The following MGRN1 variants were observed in gnomAD, a reference collection of about 807,000 sequenced individuals.
MGRN1 encodes the protein E3 ubiquitin-protein ligase MGRN1.
In MGRN1, 29 loss-of-function variants were observed where a neutral mutation model predicts 69.2. The ratio of observed to expected loss-of-function variants is 0.42; its 90% CI spans 0.31 to 0.57. MGRN1 has a LOEUF of 0.57. Ranked by LOEUF, MGRN1 falls within the 20% of genes least tolerant of loss-of-function variation. The pLI is 0.15. For synonymous variants in MGRN1, 470 were observed against 344.2 expected (o/e 1.37, Z -4.04); for missense variants, 998 against 796.2 (o/e 1.25, Z -3.05).
chr16:4,665,268 G>C, intron 7 of MGRN1, 117 bp downstream of exon 7: 1 of 1,092,710 alleles, frequency 9.2e-7, no homozygotes, highest in South Asian at 1.4e-5. Flanking sequence ...GAGTGTCAAG[G>C]GCCCCGGGGC....
chr16:4,661,373 G>GGA (rs1567206493), intron 5 of MGRN1, among the ~76,000 whole-genome samples: 1 of 152,192 alleles, frequency 6.6e-6, no homozygotes, highest in Non-Finnish European at 1.5e-5. Context: ...CTTTTCTCCT[G>GGA]CACCCTCCAG....
Position 4,681,663 on chromosome 16 carries a change from C to T in MGRN1, c.1245C>T (p.Thr415=). Residue 415 remains threonine (T), a synonymous_variant, in exon 13 of 17, where the codon ACC becomes ACT. Coordinates refer to ENST00000262370, the MANE Select transcript of MGRN1 (RefSeq NM_015246.4). ...IPSAPLYEEI[T]YSGISDGLSQ... is the part of the protein sequence containing the mutation. Reference sequence around the variant, plus strand: ...CGGCCCCTCTTTATGAAGAAATCACCTATTCAGGCATCTCGGACGGCCTGT... The same window carrying T: ...CGGCCCCTCTTTATGAAGAAATCACTTATTCAGGCATCTCGGACGGCCTGT... The T allele has an allele frequency of 1.9e-6, 3 of 1,613,520 alleles. No homozygotes were observed. The highest frequency in any genetic ancestry group is 2.5e-6 in the Non-Finnish European group (3 of 1,180,018).
At position 4,689,613 on chromosome 16, in the gene MGRN1, C is replaced by T. The variant is rs1357079524; in HGVS notation, c.*705C>T. On this transcript the variant is annotated 3_prime_UTR_variant, in exon 17 of 17. Coordinates refer to ENST00000262370, the MANE Select transcript of MGRN1 (RefSeq NM_015246.4). Reference sequence around the variant, plus strand: ...CAGCCAGCATTCAGTGGCCTTGTCACCAAGCTCCACACCTCCTCCTGGTGC... The same window carrying T: ...CAGCCAGCATTCAGTGGCCTTGTCATCAAGCTCCACACCTCCTCCTGGTGC... The T allele has an allele frequency of 6.6e-6, 1 of 152,300 alleles. No individual in the cohort carries two copies. The highest frequency in any genetic ancestry group is 1.5e-5 in the Non-Finnish European group (1 of 68,070). 9.4% of individuals were successfully genotyped at this position (152,300 alleles called of 1,614,324 possible).
chr16:4,688,751 C>T (rs367801818), intron 16 of MGRN1, 45 bp from the exon 17 acceptor site: 359 of 1,510,810 alleles, frequency 2.4e-4, no homozygotes, highest in Non-Finnish European at 3.1e-4. Context: ...TGGCGTGGCA[C>T]CAGGCATCCG....
chr16:4,652,647 C>G, intron 3 of MGRN1, 31 bp from the exon 4 acceptor site: 2 of 1,589,136 alleles, frequency 1.3e-6, no homozygotes, highest in Non-Finnish European at 1.7e-6. Flanking sequence ...GGCCGCTGAC[C>G]CGCTGCCTTT....
At chr16:4,653,616 G>A (rs1464781985) in intron 4 of MGRN1, among the ~76,000 whole-genome samples, 1 of 152,078 alleles carries the variant, frequency 6.6e-6, no homozygotes, top group Non-Finnish European at 1.5e-5. Flanking sequence ...AGCCTCCTGA[G>A]TAGCTGGGAC....
intron 1 of MGRN1, among the ~76,000 whole-genome samples, chr16:4,635,191 C>A (rs558614689): frequency 6.6e-5 from 10 of 152,230 alleles, no homozygotes; most frequent in Non-Finnish European, 1.3e-4. Flanking sequence ...GCAGGCGGAT[C>A]ACTTGAGGTC....
intron 16 of MGRN1, among the ~76,000 whole-genome samples, chr16:4,685,321 CTG>C (rs942302358): frequency 1.3e-5 from 2 of 152,242 alleles, no homozygotes; most frequent in African/African-American, 4.8e-5. Flanking sequence ...CGCCTCCCCT[CTG>C]TGGCCAGGCC....
intron 11 of MGRN1, among the ~76,000 whole-genome samples, chr16:4,677,835 GC>G (rs75438129): frequency 1.1e-5 from 1 of 88,962 alleles, no homozygotes; most frequent in Non-Finnish European, 2.5e-5. Context: ...GGAGCCAGGT[GC>G]TTTTTTTTTT....
At chr16:4,688,315 C>T (rs2079380081) in intron 16 of MGRN1, 2 of 987,390 alleles carry the variant, frequency 2.0e-6, no homozygotes, top group African/African-American at 1.7e-5. Context: ...TGGGAGGCTC[C>T]TCTCTTTGCC....
rs1034843802 is a variant in MGRN1 at position 4,646,378 on chromosome 16, G to A, written c.89-3987G>A. 7.2e-5 allele frequency among the ~76,000 whole-genome samples: 11 copies of A among 151,884 alleles called. No homozygotes were observed. In the South Asian group the frequency reaches 1.2e-3, roughly 17 times the overall value. On this transcript the variant is annotated intron_variant, in intron 1 of 16. Coordinates refer to ENST00000262370, the MANE Select transcript of MGRN1 (RefSeq NM_015246.4). ...CAGGAGGTCCAAGGCTGCAGTGATC[G>A]TGCCCCTGCACTCCAACCTCGGCGA...
At chr16:4,656,769 A>G (rs578238797) in intron 4 of MGRN1, among the ~76,000 whole-genome samples, 17 of 152,128 alleles carry the variant, frequency 1.1e-4, no homozygotes, top group African/African-American at 4.1e-4. Context: ...AATCCTAGCT[A>G]CTTGGGAAGC....
In MGRN1 at chr16:4,652,806, T is replaced by A; in HGVS notation, c.425T>A (p.Phe142Tyr). The A allele has an allele frequency of 1.9e-6, 3 of 1,609,818 alleles. No homozygotes were observed. Among genetic ancestry groups the A allele is most frequent in the Non-Finnish European group, 2.5e-6 (3 of 1,178,086 alleles). The change falls in exon 4 of 17, where the codon TTC (phenylalanine) becomes TAC (tyrosine). Residue 142 changes from phenylalanine to tyrosine, a missense_variant. By Grantham distance (22) the Phe-to-Tyr change is conservative (BLOSUM62 3). Coordinates refer to ENST00000262370, the MANE Select transcript of MGRN1 (RefSeq NM_015246.4). ...ATCTACTGCCAGGCATCGGAGGAGT[T>A]CCTGAACGGCAGGGCAGTGTGAGTC... ...ITIYCQASEE[F>Y]LNGRAVYSPK... is the part of the protein sequence containing the mutation.
At position 4,641,684 on chromosome 16, in the gene MGRN1, A is replaced by G. The variant is rs754411509; in HGVS notation, c.89-8681A>G. On this transcript the variant is annotated intron_variant, in intron 1 of 16. Transcript: ENST00000262370. The stretch of plus-strand genomic sequence containing the variant: ...CAGGCACCCACCACCATGCCCAGCT[A>G]ATTTTGCATTTTTAGTAGAGACGGG... Among the ~76,000 whole-genome samples the G allele has an allele frequency of 2.6e-5, 4 of 151,738 alleles. No individual in the cohort carries two copies. In the East Asian group the frequency reaches 7.8e-4, roughly 29 times the overall value.
intron 1 of MGRN1, among the ~76,000 whole-genome samples, chr16:4,648,066 C>G (rs1365303080): frequency 1.3e-5 from 2 of 152,136 alleles, no homozygotes; most frequent in African/African-American, 4.8e-5. Flanking sequence ...CCGGGAAGGG[C>G]CCACCTGGCC....
At chr16:4,647,693 G>A (rs752848249) in intron 1 of MGRN1, among the ~76,000 whole-genome samples, 2 of 152,182 alleles carry the variant, frequency 1.3e-5, no homozygotes, top group East Asian at 1.9e-4. Flanking sequence ...GCTCCACATC[G>A]GTATGTCTGG....
At chr16:4,650,311 C>G in intron 1 of MGRN1, 54 bp from the exon 2 acceptor site, 4 of 1,380,448 alleles carry the variant, frequency 2.9e-6, no homozygotes, top group Non-Finnish European at 4.0e-6. Context: ...GCCTGAGACT[C>G]TGTCTCAAAA....
intron 1 of MGRN1, chr16:4,649,994 C>T (rs890046161): frequency 4.1e-5 from 7 of 170,030 alleles, no homozygotes; most frequent in Non-Finnish European, 8.9e-5. Flanking sequence ...AGGCTGTGTT[C>T]AGCCTCAGAG....
intron 1 of MGRN1, among the ~76,000 whole-genome samples, chr16:4,625,750 A>G (rs772799268): frequency 9.2e-5 from 14 of 152,244 alleles, no homozygotes; most frequent in Non-Finnish European, 1.8e-4. Context: ...CTTTGTTCCC[A>G]GCTCTCTTTC....
Sources: gnomAD v4.1 joint callset for allele counts (sites outside exome capture counted in the v4.1 genomes callset) on GRCh38, gnomAD v4.1.1 for gene constraint, MANE v1.5 for transcripts, NCBI Gene and HGNC (gene_info 2026-07-23, HGNC 2026-07-21) for gene names.